BNIP2: variants seen among roughly 807,000 people sequenced by gnomAD.
BNIP2 encodes BCL2/adenovirus E1B 19 kDa protein-interacting protein 2.
A neutral mutation model predicts 43.4 loss-of-function variants in BNIP2; 36 were observed. The ratio of observed to expected loss-of-function variants is 0.83; its 90% CI spans 0.64 to 1.10. BNIP2 has a LOEUF of 1.10. Ranked by LOEUF, BNIP2 falls within the 50% of genes least tolerant of loss-of-function variation. BNIP2 has a pLI of 0.00. For synonymous variants in BNIP2, 146 were observed against 121.0 expected (o/e 1.21, Z -1.35); for missense variants, 417 against 374.1 (o/e 1.11, Z -0.95).
intron 9 of BNIP2, among the ~76,000 whole-genome samples, chr15:59,666,828 T>TAAA (rs11427336): frequency 1.3e-5 from 2 of 150,478 alleles, no homozygotes; most frequent in Non-Finnish European, 1.5e-5. Flanking sequence ...TAAACACAAG[T>TAAA]AAAAAAAAAA....
chr15:59,663,998 G>A lies in BNIP2; in HGVS notation c.*71C>T. 8.4e-7 allele frequency: 1 copy of A among 1,183,986 alleles called. No homozygotes were observed. Among genetic ancestry groups the A allele is most frequent in the Non-Finnish European group, 1.2e-6 (1 of 849,772 alleles). 73.3% of individuals were successfully genotyped at this position (1,183,986 alleles called of 1,614,324 possible). On this transcript the variant is annotated 3_prime_UTR_variant, in exon 10 of 10. Transcript: ENST00000607373. ...TACATAAAAATATGGGCCAATAAAT[G>A]CATTATGAATGCAGAAACAGCACTG...
intron 1 of BNIP2, among the ~76,000 whole-genome samples, chr15:59,687,932 G>A (rs1042850659): frequency 2.0e-5 from 3 of 152,148 alleles, no homozygotes; most frequent in Non-Finnish European, 4.4e-5. Flanking sequence ...TTCTAATACA[G>A]CACACCGTCT....
chr15:59,686,359 G>C (rs1247086505), intron 1 of BNIP2, among the ~76,000 whole-genome samples: 1 of 152,086 alleles, frequency 6.6e-6, no homozygotes, highest in Non-Finnish European at 1.5e-5. Context: ...AGCCTAGCTT[G>C]GGCAACACAG....
At chr15:59,685,473 C>T (rs1893955517) in intron 1 of BNIP2, among the ~76,000 whole-genome samples, 1 of 152,168 alleles carries the variant, frequency 6.6e-6, no homozygotes, top group African/African-American at 2.4e-5. Context: ...TGCACTACAG[C>T]CTGGGTGACA....
chr15:59,678,230 G>A, intron 4 of BNIP2, 143 bp from the exon 5 acceptor site: 4 of 1,391,514 alleles, frequency 2.9e-6, no homozygotes. Context: ...CATAAAGGAG[G>A]AAAAGGCTTA....
At position 59,661,493 on chromosome 15, in the gene BNIP2, CCTCT is replaced by C. The variant is rs1321622494; in HGVS notation, c.*2572_*2575del. On this transcript the variant is annotated 3_prime_UTR_variant, in exon 10 of 10. Transcript: ENST00000607373. ...TTAGAATCATATTTCTTCATATCTC[CCTCT>C]GAGTTAAAGATTGTTAAGCTTAAAT... 6.6e-6 allele frequency: 1 copy of C among 152,124 alleles called. No homozygotes were observed. The allele number at this position is 152,124 out of a possible 1,614,324, so 9.4% of individuals were successfully genotyped here. A position where few individuals can be genotyped will look rare whatever the true frequency, so the allele number is the denominator to read the frequency against.
Position 59,682,439 on chromosome 15 carries a change from T to G in BNIP2, c.19A>C (p.Lys7Gln). The G allele has an allele frequency of 6.2e-7, 1 of 1,613,566 alleles. No individual in the cohort carries two copies. Among genetic ancestry groups the G allele is most frequent in the South Asian group, 1.1e-5 (1 of 91,010 alleles). Residue 7 changes from lysine to glutamine, a missense_variant, in exon 2 of 10, where the codon AAA becomes CAA. Physicochemically the swap from Lys to Gln is moderately conservative, Grantham distance 53 (BLOSUM62 1). Coordinates refer to ENST00000607373, the MANE Select transcript of BNIP2 (RefSeq NM_004330.4). ...AAATCTTCATCTTGCCATTCTTCTT[T>G]AAGTTCCACACCTTCCATCCTCAGC... Reference protein sequence around the residue: MEGVELKEEWQDEDFPI... With the variant: MEGVELQEEWQDEDFPI...
chr15:59,670,555 A>G (rs1367210349), intron 7 of BNIP2, among the ~76,000 whole-genome samples: 11 of 152,254 alleles, frequency 7.2e-5, no homozygotes, highest in African/African-American at 2.4e-4. Flanking sequence ...AATAGGAAAA[A>G]AAGTGTTCAA....
At position 59,679,784 on chromosome 15, in the gene BNIP2, A is replaced by AC. The variant is rs746658219; in HGVS notation, c.119-17_119-16insG. 6.8e-7 allele frequency: 1 copy of AC among 1,461,294 alleles called. No individual in the cohort carries two copies. Among genetic ancestry groups the AC allele is most frequent in the South Asian group, 1.5e-5 (1 of 66,018 alleles). The allele number at this position is 1,461,294 out of a possible 1,614,324, so 90.5% of individuals were successfully genotyped here. On this transcript the variant is annotated splice_polypyrimidine_tract_variant and intron_variant, in intron 3 of 9. Coordinates refer to ENST00000607373, the MANE Select transcript of BNIP2 (RefSeq NM_004330.4). ...TCTAGTGAGCCTGGAATTGGAAAAT[A>AC]AAGAAAAAGATACGTAACAAGGAAT... is the stretch of plus-strand genomic sequence containing the variant.
At chr15:59,664,162 A>G in intron 9 of BNIP2, 42 bp from the exon 10 acceptor site, 1 of 1,302,442 alleles carries the variant, frequency 7.7e-7, no homozygotes, top group Non-Finnish European at 1.1e-6. Flanking sequence ...CCAGCAACTG[A>G]ACAATTTTCT....
chr15:59,672,792 T>A, intron 5 of BNIP2, 53 bp from the exon 6 acceptor site: 1 of 1,302,132 alleles, frequency 7.7e-7, no homozygotes, highest in Non-Finnish European at 1.1e-6. Flanking sequence ...TCTTAGGCAT[T>A]TTTAGAAGAC....
intron 2 of BNIP2, among the ~76,000 whole-genome samples, chr15:59,681,929 T>A (rs1267446705): frequency 6.6e-6 from 1 of 152,078 alleles, no homozygotes; most frequent in African/African-American, 2.4e-5. Flanking sequence ...TTATAGAAGA[T>A]TATATATATA....
At chr15:59,682,099 C>T (rs756411523) in intron 2 of BNIP2, among the ~76,000 whole-genome samples, 1 of 152,008 alleles carries the variant, frequency 6.6e-6, no homozygotes, top group African/African-American at 2.4e-5. Context: ...GAGGCCAAGG[C>T]AGGCAGATCA....
chr15:59,679,423 G>T, intron 4 of BNIP2, 169 bp downstream of exon 4: 1 of 607,528 alleles, frequency 1.6e-6, no homozygotes, highest in Non-Finnish European at 2.5e-6. Context: ...GGGGAAAAAA[G>T]CCACTGGTGT....
chr15:59,675,234 A>G (rs1893201077), intron 5 of BNIP2, among the ~76,000 whole-genome samples: 1 of 144,762 alleles, frequency 6.9e-6, no homozygotes, highest in Admixed American at 6.9e-5. Flanking sequence ...GGGTGACAGA[A>G]TGAGACTCCA....
At chr15:59,678,412 A>G in intron 4 of BNIP2, 2 of 1,076,540 alleles carry the variant, frequency 1.9e-6, no homozygotes, top group Non-Finnish European at 2.3e-6. Context: ...GCCTTTCCAG[A>G]TTCAACTTGT....
intron 4 of BNIP2, chr15:59,678,300 C>T (rs576305057): frequency 1.6e-5 from 21 of 1,277,598 alleles, no homozygotes; most frequent in African/African-American, 1.5e-5. Flanking sequence ...TTTTATTGCC[C>T]AATTTAGCAA....
At chr15:59,675,845 G>A (rs1893249190) in intron 5 of BNIP2, among the ~76,000 whole-genome samples, 1 of 152,200 alleles carries the variant, frequency 6.6e-6, no homozygotes, top group African/African-American at 2.4e-5. Flanking sequence ...ACTTCATGCT[G>A]AAAAGTAAAC....
At chr15:59,669,893 T>G (rs539135902) in intron 7 of BNIP2, among the ~76,000 whole-genome samples, 35 of 152,362 alleles carry the variant, frequency 2.3e-4, no homozygotes, top group African/African-American at 8.4e-4. Flanking sequence ...CTAAATACTC[T>G]TTGTATTATG....
Sources: allele counts gnomAD v4.1 joint callset (sites outside exome capture counted in the v4.1 genomes callset), GRCh38; gene constraint gnomAD v4.1.1; transcripts MANE v1.5; gene names NCBI Gene and HGNC (gene_info 2026-07-23, HGNC 2026-07-21).